The following IRAK1BP1 variants were observed in gnomAD, a reference collection of about 807,000 sequenced individuals.
The protein encoded by IRAK1BP1 is interleukin-1 receptor-associated kinase 1-binding protein 1.
IRAK1BP1 carries 24 observed loss-of-function variants against 28.0 expected under a neutral mutation model. The ratio of observed to expected loss-of-function variants is 0.86; its 90% CI spans 0.62 to 1.20. IRAK1BP1 has a LOEUF of 1.20. IRAK1BP1 is among the 50% of genes most tolerant of loss of function. The probability of loss-of-function intolerance (pLI) is 0.00; values close to 1 mark genes in which losing one functional copy is unlikely to be tolerated. For missense variants in IRAK1BP1, 336 were observed against 316.7 expected (o/e 1.06, Z -0.46); for synonymous variants, 131 against 116.3 (o/e 1.13, Z -0.81).
At chr6:78,964,046 T>G in the IRAK1BP1 span, among the ~76,000 whole-genome samples, 13 of 152,186 alleles carry the variant, frequency 8.5e-5, no homozygotes, top group Admixed American at 8.5e-4. Context: ...ATCCAAGGCA[T>G]TATAACACCA....
At chr6:78,952,429 A>AAAAAAAAAAAAGAAAAAAAAAAAGG in the IRAK1BP1 span, among the ~76,000 whole-genome samples, 4 of 132,812 alleles carry the variant, frequency 3.0e-5, no homozygotes, top group Non-Finnish European at 6.6e-5. Context: ...AAAAAAAAAG[A>AAAAAAAAAAAAGAAAAAAAAAAAGG]AAAAAAAAAA....
At chr6:78,924,601 A>C in intron 4 of IRAK1BP1, among the ~76,000 whole-genome samples, 1 of 152,198 alleles carries the variant, frequency 6.6e-6, no homozygotes, top group East Asian at 1.9e-4. Flanking sequence ...AAAGCCTGGC[A>C]GAGACACAAC....
intron 4 of IRAK1BP1, among the ~76,000 whole-genome samples, chr6:78,919,808 A>T (rs1180469435): frequency 6.6e-6 from 1 of 152,170 alleles, no homozygotes; most frequent in African/African-American, 2.4e-5. Context: ...ATCAAGGAGG[A>T]GGGACTCCTC....
At position 78,900,144 on chromosome 6, in the gene IRAK1BP1, A is replaced by G. The variant is rs1582025921; in HGVS notation, c.*1810A>G. The G allele has an allele frequency of 1.3e-5, 2 of 152,246 alleles. No individual in the cohort carries two copies. The highest frequency in any genetic ancestry group is 4.1e-4 in the South Asian group (2 of 4,832). 9.4% of individuals were successfully genotyped at this position (152,246 alleles called of 1,614,324 possible). On this transcript the variant is annotated 3_prime_UTR_variant, in exon 4 of 4. Transcript: ENST00000369940. ...GCCATATTTCAAGTACTTGAAGGCC[A>G]CAAATGGCTTGAGACTACCTTGCTG...
the IRAK1BP1 span, chr6:78,957,899 G>A: frequency 1.3e-5 from 2 of 151,996 alleles, no homozygotes; most frequent in East Asian, 1.9e-4. Context: ...TGACTTTGAA[G>A]AAGAATCATG....
chr6:78,961,672 A>G, the IRAK1BP1 span: 4 of 1,608,468 alleles, frequency 2.5e-6, no homozygotes, highest in Non-Finnish European at 1.7e-6. Flanking sequence ...GATAGTAGCT[A>G]CATCAAATGG....
chr6:78,878,457 A>C (rs1771093477), intron 1 of IRAK1BP1, among the ~76,000 whole-genome samples: 1 of 152,228 alleles, frequency 6.6e-6, no homozygotes, highest in South Asian at 2.1e-4. Context: ...AATGAAAACT[A>C]ACAGAAAGGA....
chr6:78,932,789 G>C (rs1263379983), intron 4 of IRAK1BP1, among the ~76,000 whole-genome samples: 1 of 152,146 alleles, frequency 6.6e-6, no homozygotes, highest in African/African-American at 2.4e-5. Flanking sequence ...GGTGCAGAAC[G>C]GATGTTGTGT....
At chr6:78,915,715 A>T (rs1326290102) in intron 4 of IRAK1BP1, among the ~76,000 whole-genome samples, 19 of 152,206 alleles carry the variant, frequency 1.2e-4, no homozygotes. Context: ...CTTGTGGCTC[A>T]CACTGGCATG....
At position 78,893,312 on chromosome 6, in the gene IRAK1BP1, GTGTATATATA is replaced by G. The variant is rs60433173; in HGVS notation, c.382-4515_382-4506del. Among the ~76,000 whole-genome samples the G allele has an allele frequency of 9.3e-3, 597 of 64,168 alleles. 8 individuals carry two copies. The highest frequency in any genetic ancestry group is 0.024 in the African/African-American group (473 of 19,978). The allele number at this position is 64,168 out of a possible 152,430, so 42.1% of individuals were successfully genotyped here. On this transcript the variant is annotated intron_variant, in intron 2 of 3. Coordinates refer to ENST00000369940, the MANE Select transcript of IRAK1BP1 (RefSeq NM_001010844.4). ...TATATATGTGTGTGTGTGTGTGTGTGTGTATATATATATATATATATATATATATATATAT... is the reference window on the plus strand; with the variant it reads ...TATATATGTGTGTGTGTGTGTGTGTGTATATATATATATATATATATATAT...
chr6:78,955,347 T>C, the IRAK1BP1 span: 1 of 1,125,980 alleles, frequency 8.9e-7, no homozygotes, highest in Non-Finnish European at 1.3e-6. Context: ...TATAGTTGAT[T>C]AACTAGCAAT....
At chr6:78,928,000 A>G (rs1256214032) in intron 4 of IRAK1BP1, among the ~76,000 whole-genome samples, 1 of 152,064 alleles carries the variant, frequency 6.6e-6, no homozygotes, top group Non-Finnish European at 1.5e-5. Context: ...TTTTACTTAC[A>G]ATAGTTTTGG....
At chr6:78,915,938 G>A (rs1373940586) in intron 4 of IRAK1BP1, among the ~76,000 whole-genome samples, 1 of 152,144 alleles carries the variant, frequency 6.6e-6, no homozygotes, top group East Asian at 1.9e-4. Context: ...TACCAGTCAA[G>A]GGTGTCCATG....
At chr6:78,966,199 A>G in the IRAK1BP1 span, 1 of 591,388 alleles carries the variant, frequency 1.7e-6, no homozygotes, top group Non-Finnish European at 3.1e-6. Flanking sequence ...AAAAATAAGT[A>G]AGTACAATCA....
At chr6:78,908,650 C>T (rs1772321792) in intron 4 of IRAK1BP1, among the ~76,000 whole-genome samples, 1 of 152,198 alleles carries the variant, frequency 6.6e-6, no homozygotes, top group Non-Finnish European at 1.5e-5. Flanking sequence ...CAAGATGGCA[C>T]TCATTGGTCA....
intron 4 of IRAK1BP1, among the ~76,000 whole-genome samples, chr6:78,941,866 T>C (rs1032574632): frequency 1.6e-4 from 25 of 152,238 alleles, no homozygotes; most frequent in Admixed American, 1.5e-3. Context: ...ACAAACTCCA[T>C]GATAAAAGGC....
At chr6:78,911,335 A>G (rs928721886) in intron 4 of IRAK1BP1, among the ~76,000 whole-genome samples, 2 of 151,862 alleles carry the variant, frequency 1.3e-5, no homozygotes, top group Non-Finnish European at 2.9e-5. Context: ...ACCGAGGTCA[A>G]CCTCCTCTGC....
chr6:78,871,386 T>G, intron 1 of IRAK1BP1: 1 of 985,414 alleles, frequency 1.0e-6, no homozygotes, highest in Admixed American at 6.1e-5. Flanking sequence ...GCAAGACTAC[T>G]GTAAGATTCC....
chr6:78,945,110 G>C (rs1773729485), intron 4 of IRAK1BP1, among the ~76,000 whole-genome samples: 1 of 150,164 alleles, frequency 6.7e-6, no homozygotes, highest in African/African-American at 2.5e-5. Flanking sequence ...TTGAGACAGG[G>C]TCTCATTCTG....
Sources: gnomAD v4.1 joint callset for allele counts (sites outside exome capture counted in the v4.1 genomes callset) on GRCh38, gnomAD v4.1.1 for gene constraint, MANE v1.5 for transcripts, NCBI Gene and HGNC (gene_info 2026-07-23, HGNC 2026-07-21) for gene names.